ACADS: variants seen among roughly 807,000 people sequenced by gnomAD.
ACADS encodes acyl-CoA dehydrogenase short chain, also known as short-chain specific acyl-CoA dehydrogenase, mitochondrial.
A neutral mutation model predicts 46.8 loss-of-function variants in ACADS; 28 were observed. The ratio of observed to expected loss-of-function variants is 0.60; its 90% CI spans 0.44 to 0.82. The LOEUF (loss-of-function observed/expected upper bound fraction) is 0.82, where lower values mean the gene tolerates loss of function less well. Among genes scored for constraint, ACADS ranks in the 40% least tolerant of loss-of-function variants. The pLI is 0.00. For synonymous variants in ACADS, 236 were observed against 237.7 expected, an observed-to-expected ratio of 0.99 and a Z score of 0.07; for missense variants, 528 against 578.0, an observed-to-expected ratio of 0.91 and a Z score of 0.89.
At position 120,738,003 on chromosome 12, in the gene ACADS, A is replaced by T. The variant is rs1364142168; in HGVS notation, c.624+15A>T. ...TGCAAAACAAGGTGGGCCCACCCAG[A>T]GAGGGGTTCAGCCGGATCCTGGGCT... On this transcript the variant is annotated intron_variant, in intron 5 of 9. Coordinates refer to ENST00000242592, the MANE Select transcript of ACADS (RefSeq NM_000017.4). 7 of 1,613,352 alleles carry T rather than the reference A, an allele frequency of 4.3e-6. No individual in the cohort carries two copies. Among genetic ancestry groups the T allele is most frequent in the Non-Finnish European group, 5.9e-6 (7 of 1,179,996 alleles).
In ACADS at chr12:120,725,930, A is replaced by G; in HGVS notation, c.45A>G (p.Arg15=). ...CCCGGGCCTCGGGCCCTGCCCGCAG[A>G]GGTGAGTGCGCTGGGGATCCGTACG... The part of the protein sequence containing the change: ...LLARASGPAR[R]ALCPRAWRQL... The change falls in exon 1 of 10, where the codon AGA becomes AGG. Residue 15 remains arginine (R), a splice_region_variant and synonymous_variant. Transcript: ENST00000242592. 6.4e-7 allele frequency: 1 copy of G among 1,550,740 alleles called. No individual in the cohort carries two copies. Among genetic ancestry groups the G allele is most frequent in the Non-Finnish European group, 8.6e-7 (1 of 1,157,802 alleles).
At chr12:120,732,353 G>C (rs1448856944) in intron 2 of ACADS, among the ~76,000 whole-genome samples, 2 of 151,952 alleles carry the variant, frequency 1.3e-5, no homozygotes, top group Non-Finnish European at 2.9e-5. Context: ...GCCGGACGGG[G>C]TGGCTGCCGG....
intron 2 of ACADS, among the ~76,000 whole-genome samples, chr12:120,735,908 T>G (rs1445703988): frequency 2.0e-5 from 3 of 150,590 alleles, no homozygotes; most frequent in Non-Finnish European, 4.4e-5. Flanking sequence ...CAAAATAAAA[T>G]AAAATAAAAT....
chr12:120,735,356 A>C (rs202178177), intron 2 of ACADS, among the ~76,000 whole-genome samples: 2 of 146,098 alleles, frequency 1.4e-5, no homozygotes, highest in South Asian at 2.3e-4. Flanking sequence ...CTTAAAAAAA[A>C]AAAAAAAAAA....
At chr12:120,732,471 G>C (rs1293130542) in intron 2 of ACADS, among the ~76,000 whole-genome samples, 1 of 151,762 alleles carries the variant, frequency 6.6e-6, no homozygotes, top group Non-Finnish European at 1.5e-5. Context: ...TTCTCAGATG[G>C]GGTGGCTGCC....
chr12:120,739,225 G>A (rs374392992), intron 9 of ACADS, 29 bp downstream of exon 9: 3 of 1,612,824 alleles, frequency 1.9e-6, no homozygotes, highest in Non-Finnish European at 2.5e-6. Context: ...CTCTGAGGGG[G>A]CCAGCTGCCC....
At chr12:120,738,132 G>A (rs771396763) in intron 5 of ACADS, 144 bp downstream of exon 5, 2 of 1,568,366 alleles carry the variant, frequency 1.3e-6, no homozygotes, top group Admixed American at 3.8e-5. Context: ...TGCCACTGAA[G>A]CCTGCACCTT....
chr12:120,727,721 A>G (rs138087222), intron 2 of ACADS, among the ~76,000 whole-genome samples: 9 of 152,118 alleles, frequency 5.9e-5, no homozygotes, highest in African/African-American at 1.9e-4. Flanking sequence ...TTTTTAGTAA[A>G]GACGGCGTTT....
At chr12:120,731,629 A>ATTTAT (rs1555243206) in intron 2 of ACADS, among the ~76,000 whole-genome samples, 6 of 149,502 alleles carry the variant, frequency 4.0e-5, no homozygotes, top group Non-Finnish European at 6.0e-5. Context: ...TAATTCTTGT[A>ATTTAT]TTTATTTTAT....
intron 1 of ACADS, among the ~76,000 whole-genome samples, chr12:120,726,556 T>C (rs992955184): frequency 2.0e-5 from 3 of 152,210 alleles, no homozygotes; most frequent in Non-Finnish European, 4.4e-5. Flanking sequence ...AAGCGCTAGT[T>C]AGTCTTTCTT....
rs1409125406 is a variant in ACADS, at chr12:120,728,930, G to A, written c.210+1741G>A. Among the ~76,000 whole-genome samples the A allele has an allele frequency of 2.0e-5, 3 of 152,208 alleles. No homozygotes were observed. Among genetic ancestry groups the A allele is most frequent in the African/African-American group, 7.2e-5 (3 of 41,440 alleles). ...CCTTGTCTGTCACTGCTGGGAAAGG[G>A]GTCTTACAGTTTCTTACGGTTTCTC... On this transcript the variant is annotated intron_variant, in intron 2 of 9. Coordinates refer to ENST00000242592, the MANE Select transcript of ACADS (RefSeq NM_000017.4). This position sits in a 1 kb window ranked among gnomAD's most constrained non-coding sequence, Gnocchi z 4.0.
intron 2 of ACADS, among the ~76,000 whole-genome samples, chr12:120,735,753 G>T (rs1883414606): frequency 6.6e-6 from 1 of 151,878 alleles, no homozygotes; most frequent in Non-Finnish European, 1.5e-5. Context: ...ACAAAAATTA[G>T]CTGGGCGTGA....
chr12:120,725,927 C>G lies in ACADS; in HGVS notation c.42C>G (p.Arg14=). The part of the protein sequence containing the change: ...ALLARASGPA[R]RALCPRAWRQ... ...TCGCCCGGGCCTCGGGCCCTGCCCG[C>G]AGAGGTGAGTGCGCTGGGGATCCGT... Residue 14 remains arginine (R), a synonymous_variant, in exon 1 of 10, where the codon CGC becomes CGG. Transcript: ENST00000242592. 6.4e-7 allele frequency: 1 copy of G among 1,552,492 alleles called. No individual in the cohort carries two copies. Among genetic ancestry groups the G allele is most frequent in the Non-Finnish European group, 8.6e-7 (1 of 1,158,624 alleles).
intron 2 of ACADS, among the ~76,000 whole-genome samples, chr12:120,730,274 C>T (rs1240666402): frequency 6.6e-6 from 1 of 152,168 alleles, no homozygotes; most frequent in Non-Finnish European, 1.5e-5. Flanking sequence ...AGCCACCGCG[C>T]CCAGCTGGTA....
chr12:120,729,147 G>A (rs1308031966), intron 2 of ACADS, among the ~76,000 whole-genome samples: 2 of 152,178 alleles, frequency 1.3e-5, no homozygotes, highest in Admixed American at 1.3e-4. Flanking sequence ...ATTGGGGCTG[G>A]GACGGGCGCC....
chr12:120,736,906 G>T, intron 2 of ACADS, 80 bp from the exon 3 acceptor site: 1 of 1,491,144 alleles, frequency 6.7e-7, no homozygotes, highest in East Asian at 2.4e-5. Context: ...ACTGCCTCGG[G>T]GGCAGGAGGG....
At position 120,730,270 on chromosome 12, in the gene ACADS, C is replaced by G. The variant is rs3794216; in HGVS notation, c.210+3081C>G. Among the ~76,000 whole-genome samples the G allele has an allele frequency of 3.2e-3, 492 of 152,248 alleles. 18 individuals are homozygous for G. In the East Asian group the frequency reaches 0.078, roughly 24 times the overall value. On this transcript the variant is annotated intron_variant, in intron 2 of 9. Coordinates refer to ENST00000242592, the MANE Select transcript of ACADS (RefSeq NM_000017.4). ...TTCTGGGATTACAGGCATGAGCCAC[C>G]GCGCCCAGCTGGTAGATGCTGTAAA...
intron 2 of ACADS, among the ~76,000 whole-genome samples, chr12:120,732,758 G>A (rs1406095462): frequency 3.3e-5 from 5 of 151,554 alleles, no homozygotes; most frequent in Admixed American, 1.3e-4. Flanking sequence ...GGGCAGAGGG[G>A]CTCCTCACAT....
chr12:120,732,994 C>A (rs190846826), intron 2 of ACADS, among the ~76,000 whole-genome samples: 9 of 152,342 alleles, frequency 5.9e-5, no homozygotes, highest in African/African-American at 1.9e-4. Context: ...CCAAGGCTGG[C>A]AGATCACTCC....
Sources: allele counts gnomAD v4.1 joint callset (sites outside exome capture counted in the v4.1 genomes callset), GRCh38; gene constraint gnomAD v4.1.1; non-coding constraint Gnocchi (gnomAD v3.1); transcripts MANE v1.5; gene names NCBI Gene and HGNC (gene_info 2026-07-23, HGNC 2026-07-21).